The following PPP1R12B variants were observed in gnomAD, a reference collection of about 807,000 sequenced individuals.
PPP1R12B encodes the protein protein phosphatase 1 regulatory subunit 12B, also known as myosin phosphatase target subunit 2.
In PPP1R12B, 76 loss-of-function variants were observed where a neutral mutation model predicts 126.1. The observed-to-expected ratio is 0.60, with a 90% confidence interval of 0.50 to 0.73. The LOEUF (loss-of-function observed/expected upper bound fraction) is 0.73, where lower values mean the gene tolerates loss of function less well. PPP1R12B is among the 30% of genes least tolerant of loss of function. The pLI is 0.00. For synonymous variants in PPP1R12B, 356 were observed against 434.7 expected (o/e 0.82, Z 2.25); for missense variants, 1,052 against 1,205.1 (o/e 0.87, Z 1.88).
chr1:202,396,289 C>T (rs1664967068), intron 1 of PPP1R12B, among the ~76,000 whole-genome samples: 2 of 152,184 alleles, frequency 1.3e-5, no homozygotes, highest in South Asian at 2.1e-4. Flanking sequence ...AATGCTGGCT[C>T]CTTAGTTTTT....
At chr1:202,486,202 T>G (rs1217479015) in intron 13 of PPP1R12B, among the ~76,000 whole-genome samples, 2 of 151,990 alleles carry the variant, frequency 1.3e-5, no homozygotes, top group African/African-American at 4.8e-5. Flanking sequence ...TTAAATAAAT[T>G]AATAAATACA....
intron 23 of PPP1R12B, among the ~76,000 whole-genome samples, chr1:202,571,990 G>C (rs2149032678): frequency 6.6e-6 from 1 of 152,254 alleles, no homozygotes; most frequent in Non-Finnish European, 1.5e-5. Flanking sequence ...TTTTCTGTCT[G>C]TACCTACTTG....
At chr1:202,400,901 C>A (rs1665726303) in intron 1 of PPP1R12B, among the ~76,000 whole-genome samples, 1 of 152,222 alleles carries the variant, frequency 6.6e-6, no homozygotes, top group South Asian at 2.1e-4. Flanking sequence ...CAGGGGTCAG[C>A]AAACTATAGC....
chr1:202,502,646 T>A (rs756672427), intron 18 of PPP1R12B: 9 of 230,520 alleles, frequency 3.9e-5, no homozygotes, highest in Non-Finnish European at 5.7e-5. Flanking sequence ...AATACTATGT[T>A]AAAAGGTGAT....
chr1:202,446,236 C>CTCTCTCTCTCTCTATA (rs1491246158), intron 12 of PPP1R12B, among the ~76,000 whole-genome samples: 1 of 88,056 alleles, frequency 1.1e-5, no homozygotes. Flanking sequence ...CTCTCTCTCT[C>CTCTCTCTCTCTCTATA]TATATATATA....
chr1:202,396,537 A>T (rs745584120), intron 1 of PPP1R12B, among the ~76,000 whole-genome samples: 14 of 152,280 alleles, frequency 9.2e-5, no homozygotes, highest in Non-Finnish European at 1.0e-4. Flanking sequence ...TGCTCCTACC[A>T]CTACCTCTGT....
intron 13 of PPP1R12B, among the ~76,000 whole-genome samples, chr1:202,481,871 A>G (rs1322360380): frequency 6.6e-6 from 1 of 151,894 alleles, no homozygotes. Flanking sequence ...ACCTCTCCCC[A>G]TCCTTCTCTC....
chr1:202,531,903 C>G (rs975476750), intron 18 of PPP1R12B, among the ~76,000 whole-genome samples: 1 of 152,156 alleles, frequency 6.6e-6, no homozygotes, highest in Non-Finnish European at 1.5e-5. Context: ...GTTCTTAGAT[C>G]TCACGCAAGA....
intron 23 of PPP1R12B, chr1:202,575,066 A>G: frequency 5.0e-6 from 8 of 1,613,544 alleles, no homozygotes; most frequent in Non-Finnish European, 6.8e-6. Flanking sequence ...CAGGCTGAGA[A>G]CAGGGCCCTG....
intron 18 of PPP1R12B, among the ~76,000 whole-genome samples, chr1:202,505,473 T>C (rs1408115805): frequency 6.6e-6 from 1 of 152,234 alleles, no homozygotes; most frequent in African/African-American, 2.4e-5. Context: ...TTTTTAATCT[T>C]GTGAAACCAC....
chr1:202,427,069 A>C lies in PPP1R12B; in HGVS notation c.731A>C (p.Asn244Thr). Residue 244 changes from asparagine (N) to threonine (T), a missense_variant, in exon 5 of 24, where the codon AAT becomes ACT. Transcript: ENST00000608999. The part of the protein sequence containing the change: ...RLLIQAGYEL[N>T]VQDYDGWTPL... ...TTAATTCAGGCTGGCTATGAACTCA[A>C]TGTTCAGGATTATGATGGCTGGACT... 6.2e-7 allele frequency: 1 copy of C among 1,613,728 alleles called. No homozygotes were observed. The highest frequency in any genetic ancestry group is 8.5e-7 in the Non-Finnish European group (1 of 1,179,950).
chr1:202,353,629 T>TGTGTGTGTGTGTGTGA lies in PPP1R12B; in HGVS notation c.291+4488_291+4489insTGTGTGTGTGTGTGAG, dbSNP rs540599307. Among the ~76,000 whole-genome samples, 242 of 138,212 alleles carry TGTGTGTGTGTGTGTGA rather than the reference T, an allele frequency of 1.8e-3. 1 individual carries two copies. Among genetic ancestry groups the TGTGTGTGTGTGTGTGA allele is most frequent in the African/African-American group, 4.6e-3 (175 of 38,240 alleles). 90.7% of individuals were successfully genotyped at this position (138,212 alleles called of 152,430 possible). A position where few individuals can be genotyped will look rare whatever the true frequency, so the allele number is the denominator to read the frequency against. Reference sequence around the variant, plus strand: ...GTGTGTGTGTGTGTGTGTGTGTGTGTGACAGGGTCTTGCCCTGTTACCCAG... The same window carrying TGTGTGTGTGTGTGTGA: ...GTGTGTGTGTGTGTGTGTGTGTGTGTGTGTGTGTGTGTGTGAGACAGGGTCTTGCCCTGTTACCCAG... On this transcript the variant is annotated intron_variant, in intron 1 of 23. Transcript: ENST00000608999.
intron 18 of PPP1R12B, among the ~76,000 whole-genome samples, chr1:202,509,497 G>A (rs1168245560): frequency 6.6e-6 from 1 of 152,072 alleles, no homozygotes; most frequent in Non-Finnish European, 1.5e-5. Flanking sequence ...ACTTCCCAAG[G>A]ACCAGTCTTT....
At chr1:202,468,593 T>C (rs1434197341) in intron 13 of PPP1R12B, among the ~76,000 whole-genome samples, 3 of 152,224 alleles carry the variant, frequency 2.0e-5, no homozygotes, top group Non-Finnish European at 4.4e-5. Flanking sequence ...TAATTATCAG[T>C]ACTTAATATG....
At chr1:202,447,248 T>C (rs1033368933) in intron 12 of PPP1R12B, among the ~76,000 whole-genome samples, 2 of 152,210 alleles carry the variant, frequency 1.3e-5, no homozygotes, top group African/African-American at 2.4e-5. Flanking sequence ...ATATGAAGTA[T>C]TATTTTATAG....
intron 13 of PPP1R12B, among the ~76,000 whole-genome samples, chr1:202,450,982 G>A (rs1672845936): frequency 6.6e-6 from 1 of 152,086 alleles, no homozygotes; most frequent in Admixed American, 6.5e-5. Context: ...GATTCTTCCA[G>A]TCCATGAATA....
At chr1:202,429,116 ATTG>A (rs1245299983) in intron 6 of PPP1R12B, among the ~76,000 whole-genome samples, 187 bp downstream of exon 6, 1 of 152,208 alleles carries the variant, frequency 6.6e-6, no homozygotes, top group Non-Finnish European at 1.5e-5. Flanking sequence ...AGAAACCATT[ATTG>A]TTCAGGTTTT....
intron 18 of PPP1R12B, among the ~76,000 whole-genome samples, chr1:202,547,306 T>G (rs1685744687): frequency 6.6e-6 from 1 of 152,222 alleles, no homozygotes; most frequent in Non-Finnish European, 1.5e-5. Flanking sequence ...CATCAGCTTT[T>G]TATTTCTTTT....
intron 18 of PPP1R12B, among the ~76,000 whole-genome samples, chr1:202,557,345 T>C (rs1318734025): frequency 2.0e-5 from 3 of 151,864 alleles, no homozygotes; most frequent in Non-Finnish European, 4.4e-5. Flanking sequence ...AAAAAAGATA[T>C]CAAGAAAAAA....
Sources: gnomAD v4.1 joint callset for allele counts (sites outside exome capture counted in the v4.1 genomes callset) on GRCh38, gnomAD v4.1.1 for gene constraint, MANE v1.5 for transcripts, NCBI Gene and HGNC (gene_info 2026-07-23, HGNC 2026-07-21) for gene names.